Variants in TBCK observed in about 807,000 individuals in gnomAD.
TBCK encodes the protein TBC domain-containing protein kinase-like protein.
Under a neutral mutation model 113.4 loss-of-function variants are expected in TBCK, and 99 were observed. The observed-to-expected ratio is 0.87, with a 90% CI of 0.74 to 1.03. The LOEUF (loss-of-function observed/expected upper bound fraction) is 1.03, where lower values mean the gene tolerates loss of function less well. Among genes scored for constraint, TBCK ranks in the 50% least tolerant of loss-of-function variants. The pLI is 0.00. For missense variants in TBCK, 1,045 were observed against 1,061.3 expected, an observed-to-expected ratio of 0.98 and a Z score of 0.21; for synonymous variants, 369 against 370.8, an observed-to-expected ratio of 1.00 and a Z score of 0.05.
intron 23 of TBCK, among the ~76,000 whole-genome samples, chr4:106,151,769 T>C: frequency 6.6e-6 from 1 of 152,000 alleles, no homozygotes; most frequent in Non-Finnish European, 1.5e-5. Context: ...TTTCTTGTAT[T>C]AATGTTTCAT....
intron 3 of TBCK, among the ~76,000 whole-genome samples, chr4:106,279,089 C>T (rs1764320671): frequency 6.6e-6 from 1 of 152,118 alleles, no homozygotes. Flanking sequence ...TAGACCTTTT[C>T]TATACCTTTT....
chr4:106,124,998 T>TAAAAAAAAAAAAAA (rs112091698), intron 23 of TBCK, among the ~76,000 whole-genome samples: 1 of 105,892 alleles, frequency 9.4e-6, no homozygotes, highest in African/African-American at 3.4e-5. Flanking sequence ...ACTTAAAGTA[T>TAAAAAAAAAAAAAA]AAAAAAAAAA....
intron 3 of TBCK, among the ~76,000 whole-genome samples, chr4:106,288,638 ATCT>A (rs1765359088): frequency 6.6e-6 from 1 of 152,190 alleles, no homozygotes; most frequent in South Asian, 2.1e-4. Flanking sequence ...AATACCGATA[ATCT>A]TCTATGTCTG....
chr4:106,256,527 G>A (rs1044933169), intron 5 of TBCK, among the ~76,000 whole-genome samples: 12 of 152,308 alleles, frequency 7.9e-5, no homozygotes, highest in Admixed American at 2.6e-4. Context: ...ACAGGGAGCC[G>A]GGAGAGGCCA....
intron 3 of TBCK, among the ~76,000 whole-genome samples, chr4:106,266,909 A>T (rs1011191576): frequency 3.9e-5 from 6 of 152,034 alleles, no homozygotes; most frequent in African/African-American, 1.4e-4. Context: ...GCAAAGTAAA[A>T]CTATCATATG....
chr4:106,054,545 T>C (rs994508510), intron 25 of TBCK, among the ~76,000 whole-genome samples: 2 of 151,738 alleles, frequency 1.3e-5, no homozygotes, highest in African/African-American at 2.4e-5. Flanking sequence ...CTAAACTATA[T>C]ATATGTATGT....
intron 3 of TBCK, among the ~76,000 whole-genome samples, chr4:106,271,452 C>T (rs1360854786): frequency 6.6e-6 from 1 of 151,984 alleles, no homozygotes; most frequent in Non-Finnish European, 1.5e-5. Context: ...TAATTTAGCT[C>T]AAATACTTTA....
At chr4:106,291,772 G>A (rs1435056485) in intron 3 of TBCK, among the ~76,000 whole-genome samples, 3 of 152,182 alleles carry the variant, frequency 2.0e-5, no homozygotes, top group South Asian at 4.1e-4. Context: ...AATTTTAGGA[G>A]AGGATGCCGA....
intron 2 of TBCK, among the ~76,000 whole-genome samples, chr4:106,300,503 T>C (rs62318092): frequency 0.077 from 11,663 of 152,236 alleles, 510 homozygotes; most frequent in Middle Eastern, 0.18. Context: ...TTATTAACAG[T>C]AAAAATCGAG....
chr4:106,143,913 TAAA>T (rs561608123), intron 23 of TBCK, among the ~76,000 whole-genome samples: 2 of 114,496 alleles, frequency 1.7e-5, no homozygotes, highest in African/African-American at 3.4e-5. Context: ...AAACTCTGTC[TAAA>T]AAAAAAAAAA....
At chr4:106,158,878 T>C (rs950019112) in intron 23 of TBCK, among the ~76,000 whole-genome samples, 3 of 152,060 alleles carry the variant, frequency 2.0e-5, no homozygotes, top group African/African-American at 4.8e-5. Flanking sequence ...CTTAAGAATA[T>C]TGAAACAACA....
At position 106,233,606 on chromosome 4, in the gene TBCK, T is replaced by G. The variant is rs1324121644; in HGVS notation, c.1494A>C (p.Pro498=). ...ATCATACTTGTCTATCTGTAGGAAT[T>G]GGAGTGTCTTTATCAATTGCATCGT... The part of the protein sequence containing the change: ...AKYDAIDKDT[P]IPTDRQIEVD... Residue 498 remains proline, a synonymous_variant, in exon 16 of 26, where the codon CCA becomes CCC. Transcript: ENST00000394708. The G allele has an allele frequency of 6.2e-7, 1 of 1,611,490 alleles. No homozygotes were observed. The highest frequency in any genetic ancestry group is 2.2e-5 in the East Asian group (1 of 44,722).
intron 25 of TBCK, among the ~76,000 whole-genome samples, chr4:106,080,215 C>T (rs1029142995): frequency 5.3e-5 from 8 of 151,428 alleles, no homozygotes; most frequent in Admixed American, 5.3e-4. Flanking sequence ...AAAAAAAAGT[C>T]CAAATCATCA....
intron 23 of TBCK, among the ~76,000 whole-genome samples, chr4:106,156,297 C>G (rs952781089): frequency 6.6e-6 from 1 of 152,138 alleles, no homozygotes; most frequent in South Asian, 2.1e-4. Context: ...TGGCCACCAC[C>G]ACTGGTACCA....
upstream of TBCK, chr4:106,316,347 GC>G (rs1178458104): frequency 1.7e-6 from 1 of 588,102 alleles, no homozygotes; most frequent in East Asian, 2.9e-5. Context: ...AGAAAGAGGT[GC>G]GGGGGGACGG....
intron 1 of TBCK, among the ~76,000 whole-genome samples, chr4:106,311,872 C>A (rs1014238493): frequency 6.6e-6 from 1 of 151,984 alleles, no homozygotes; most frequent in Non-Finnish European, 1.5e-5. Flanking sequence ...AAAAGATATT[C>A]ATATAAAAAA....
At chr4:106,056,197 T>C (rs1735365090) in intron 25 of TBCK, among the ~76,000 whole-genome samples, 1 of 151,404 alleles carries the variant, frequency 6.6e-6, no homozygotes, top group African/African-American at 2.4e-5. Context: ...TTCTCTTCTC[T>C]ATCTCTGGTA....
At chr4:106,183,955 T>A (rs535379786) in intron 22 of TBCK, among the ~76,000 whole-genome samples, 83 of 152,064 alleles carry the variant, frequency 5.5e-4, no homozygotes, top group Admixed American at 1.5e-3. Context: ...CCCTTTATGC[T>A]CCTAGCAGGT....
chr4:106,131,508 G>A (rs1745920284), intron 23 of TBCK, among the ~76,000 whole-genome samples: 1 of 152,198 alleles, frequency 6.6e-6, no homozygotes, highest in Non-Finnish European at 1.5e-5. Flanking sequence ...AGCTACTTGG[G>A]AGGCTGAGGC....
Sources: allele counts gnomAD v4.1 joint callset (sites outside exome capture counted in the v4.1 genomes callset), GRCh38; gene constraint gnomAD v4.1.1; transcripts MANE v1.5; gene names NCBI Gene and HGNC (gene_info 2026-07-23, HGNC 2026-07-21).